NUP133: variants seen among roughly 807,000 people sequenced by gnomAD.
The protein encoded by NUP133 is nucleoporin 133.
Under a neutral mutation model 146.2 loss-of-function variants are expected in NUP133, and 66 were observed. The ratio of observed to expected loss-of-function variants is 0.45; its 90% confidence interval spans 0.37 to 0.55. The LOEUF (loss-of-function observed/expected upper bound fraction) is 0.55, where lower values mean the gene tolerates loss of function less well. Among genes scored for constraint, NUP133 ranks in the 20% least tolerant of loss-of-function variants. NUP133 has a pLI of 0.00. For synonymous variants in NUP133, 521 were observed against 498.8 expected (o/e 1.04, Z -0.59); for missense variants, 1,277 against 1,374.8 (o/e 0.93, Z 1.12).
At chr1:229,446,061 A>C (rs912046547) in intron 24 of NUP133, among the ~76,000 whole-genome samples, 2 of 152,158 alleles carry the variant, frequency 1.3e-5, no homozygotes, top group African/African-American at 4.8e-5. Flanking sequence ...CGTAACATAA[A>C]CACCATTTCC....
chr1:229,477,501 G>A, intron 13 of NUP133, 96 bp downstream of exon 13: 2 of 746,228 alleles, frequency 2.7e-6, no homozygotes, highest in Non-Finnish European at 3.9e-6. Context: ...ATATTAAATT[G>A]TTTGAGAAGC....
At chr1:229,458,501 G>C (rs1462689342) in intron 20 of NUP133, among the ~76,000 whole-genome samples, 4 of 152,098 alleles carry the variant, frequency 2.6e-5, no homozygotes, top group Non-Finnish European at 5.9e-5. Flanking sequence ...TAAATATTGG[G>C]AAAAGAGACA....
chr1:229,499,141 C>T (rs1299064762), intron 5 of NUP133: 1 of 466,272 alleles, frequency 2.1e-6, no homozygotes, highest in Admixed American at 2.4e-5. Flanking sequence ...CTCAGGCAAT[C>T]CTTCCGCTTC....
chr1:229,443,564 G>A (rs991634008), intron 25 of NUP133, among the ~76,000 whole-genome samples: 2 of 151,946 alleles, frequency 1.3e-5, no homozygotes, highest in African/African-American at 4.8e-5. Flanking sequence ...ATAATGCAAG[G>A]TTATCTGTAT....
chr1:229,465,725 C>T (rs952498414), intron 16 of NUP133, among the ~76,000 whole-genome samples: 1 of 151,756 alleles, frequency 6.6e-6, no homozygotes, highest in Admixed American at 6.6e-5. Context: ...CCCATCTGTA[C>T]AAAAAATTTT....
intron 19 of NUP133, among the ~76,000 whole-genome samples, chr1:229,461,887 CTT>C (rs541886278): frequency 6.2e-5 from 9 of 144,096 alleles, no homozygotes; most frequent in Non-Finnish European, 3.1e-5. Context: ...AACTACTGAC[CTT>C]TTTTTTTTTT....
chr1:229,444,215 C>A (rs950935398), intron 25 of NUP133, among the ~76,000 whole-genome samples: 1 of 151,954 alleles, frequency 6.6e-6, no homozygotes, highest in Non-Finnish European at 1.5e-5. Context: ...CCTGTAATCC[C>A]AGCTACTCAG....
chr1:229,475,053 G>C (rs1224901573), intron 14 of NUP133, among the ~76,000 whole-genome samples: 1 of 152,088 alleles, frequency 6.6e-6, no homozygotes. Context: ...AGTGAGCCAA[G>C]ACTGTGCCAC....
At chr1:229,500,431 T>C (rs1340207806) in intron 4 of NUP133, among the ~76,000 whole-genome samples, 1 of 152,188 alleles carries the variant, frequency 6.6e-6, no homozygotes, top group Non-Finnish European at 1.5e-5. Flanking sequence ...TACAATACAA[T>C]ACAAATTGGT....
At chr1:229,462,435 G>A (rs957171619) in intron 19 of NUP133, among the ~76,000 whole-genome samples, 5 of 152,114 alleles carry the variant, frequency 3.3e-5, no homozygotes. Flanking sequence ...GTTTATAGTG[G>A]TTTTCTAAAT....
rs757913322 is a variant in NUP133, at chr1:229,475,627, T to A, written c.1851+11A>T. 3.7e-6 allele frequency: 6 copies of A among 1,603,288 alleles called. No individual in the cohort carries two copies. The highest frequency in any genetic ancestry group is 5.1e-6 in the Non-Finnish European group (6 of 1,170,264). On this transcript the variant is annotated intron_variant, in intron 14 of 25. Transcript: ENST00000261396. Reference sequence around the variant, plus strand: ...AGGCAGAGCCCTGTGCCCAGCACCCTGCGCTCTTACTTGATGAATAAAGTC... The same window carrying A: ...AGGCAGAGCCCTGTGCCCAGCACCCAGCGCTCTTACTTGATGAATAAAGTC...
At chr1:229,496,848 T>C (rs1193778228) in intron 6 of NUP133, among the ~76,000 whole-genome samples, 1 of 151,968 alleles carries the variant, frequency 6.6e-6, no homozygotes, top group African/African-American at 2.4e-5. Flanking sequence ...TAAAAAATAA[T>C]GAAAAATCAG....
In NUP133 at chr1:229,472,711, T is replaced by TAC. The variant is rs1660987934; in HGVS notation, c.1852-1908_1852-1907insGT. On this transcript the variant is annotated intron_variant, in intron 14 of 25. Coordinates refer to ENST00000261396, the MANE Select transcript of NUP133 (RefSeq NM_018230.3). ...AAAATTAAAAAACTAAATATACATA[T>TAC]ATATATATATATATATGTACAATCA... 4.2e-4 allele frequency among the ~76,000 whole-genome samples: 53 copies of TAC among 125,850 alleles called. 2 individuals carry two copies. The highest frequency in any genetic ancestry group is 3.6e-3 in the Admixed American group (44 of 12,378). The allele number at this position is 125,850 out of a possible 152,430, so 82.6% of individuals were successfully genotyped here.
At chr1:229,507,925 C>T (rs551797117) in intron 1 of NUP133, 143 bp downstream of exon 1, 4 of 1,261,658 alleles carry the variant, frequency 3.2e-6, no homozygotes, top group Admixed American at 8.4e-5. Flanking sequence ...CTACCTGCAG[C>T]AGTGGAAAAG....
intron 2 of NUP133, among the ~76,000 whole-genome samples, chr1:229,503,033 C>A (rs1054406740): frequency 1.3e-5 from 2 of 151,704 alleles, no homozygotes; most frequent in Admixed American, 1.3e-4. Context: ...TTTGGGAGGC[C>A]GAGGTGGGTG....
At chr1:229,479,456 G>A (rs1661155991) in intron 12 of NUP133, among the ~76,000 whole-genome samples, 1 of 152,066 alleles carries the variant, frequency 6.6e-6, no homozygotes. Flanking sequence ...TTCATCATAG[G>A]TACTATAGGA....
rs1660153513 is a variant in NUP133, at chr1:229,440,358, G to GA, written c.*1545_*1546insT. On this transcript the variant is annotated 3_prime_UTR_variant, in exon 26 of 26. Coordinates refer to ENST00000261396, the MANE Select transcript of NUP133 (RefSeq NM_018230.3). The stretch of plus-strand genomic sequence containing the variant: ...TTAGAGAGAAACAGGATTAAAAGAG[G>GA]GAGCTTTTTCTTCCCTTGAACAGGA... 2 of 152,136 alleles carry GA rather than the reference G, an allele frequency of 1.3e-5. No homozygotes were observed. Among genetic ancestry groups the GA allele is most frequent in the Admixed American group, 6.6e-5 (1 of 15,266 alleles). 9.4% of individuals were successfully genotyped at this position (152,136 alleles called of 1,614,324 possible).
chr1:229,448,363 G>C (rs1404155120), intron 24 of NUP133, among the ~76,000 whole-genome samples: 1 of 152,170 alleles, frequency 6.6e-6, no homozygotes, highest in Non-Finnish European at 1.5e-5. Context: ...GGGAGGCAGA[G>C]GTTGCAGTGA....
intron 21 of NUP133, among the ~76,000 whole-genome samples, chr1:229,456,216 A>G (rs1660556115): frequency 6.6e-6 from 1 of 152,224 alleles, no homozygotes; most frequent in South Asian, 2.1e-4. Flanking sequence ...AGGGTCTATT[A>G]GATTTGTCTA....
Sources: gnomAD v4.1 joint callset for allele counts (sites outside exome capture counted in the v4.1 genomes callset) on GRCh38, gnomAD v4.1.1 for gene constraint, MANE v1.5 for transcripts, NCBI Gene and HGNC (gene_info 2026-07-23, HGNC 2026-07-21) for gene names.